PLXDC1: variants seen among roughly 807,000 people sequenced by gnomAD.
PLXDC1 encodes plexin domain-containing protein 1.
Under a neutral mutation model 61.3 loss-of-function variants are expected in PLXDC1, and 39 were observed. The observed-to-expected ratio is 0.64, with a 90% CI of 0.49 to 0.83. The LOEUF is 0.83. PLXDC1 is among the 40% of genes least tolerant of loss of function. The pLI, the probability that PLXDC1 is intolerant of heterozygous loss-of-function variation, is 0.00. For missense variants in PLXDC1, 596 were observed against 666.5 expected (o/e 0.89, Z 1.17); for synonymous variants, 212 against 254.5 (o/e 0.83, Z 1.59).
At chr17:39,094,055 T>C (rs12603914) in intron 7 of PLXDC1, among the ~76,000 whole-genome samples, 35,601 of 152,042 alleles carry the variant, frequency 0.23, 5,127 homozygotes, top group Admixed American at 0.41. Flanking sequence ...CAAGCCCGAG[T>C]GGGATCTGAC....
chr17:39,091,822 G>C (rs1734232404), intron 7 of PLXDC1, among the ~76,000 whole-genome samples: 1 of 151,972 alleles, frequency 6.6e-6, no homozygotes. Context: ...AGCCAGGCGT[G>C]GTGGTGAGCA....
intron 2 of PLXDC1, among the ~76,000 whole-genome samples, chr17:39,129,317 CA>C (rs35923960): frequency 0.39 from 42,656 of 108,992 alleles, 6,888 homozygotes; most frequent in East Asian, 0.52. Context: ...GACTCTGTCT[CA>C]AAAAAAAAAA....
At chr17:39,071,997 C>T (rs900989922) in intron 12 of PLXDC1, 2 of 174,168 alleles carry the variant, frequency 1.1e-5, no homozygotes, top group Admixed American at 1.1e-4. Context: ...CACCTTCTGG[C>T]ATCCTGCAAA....
At chr17:39,139,077 T>G (rs1911846836) in intron 2 of PLXDC1, among the ~76,000 whole-genome samples, 1 of 152,108 alleles carries the variant, frequency 6.6e-6, no homozygotes, top group Non-Finnish European at 1.5e-5. Flanking sequence ...TCCAAGAGCC[T>G]CCCGGAAACC....
intron 1 of PLXDC1, among the ~76,000 whole-genome samples, chr17:39,146,804 T>C (rs1208455700): frequency 6.7e-6 from 1 of 150,338 alleles, no homozygotes; most frequent in Non-Finnish European, 1.5e-5. Flanking sequence ...AGCAGTGAGC[T>C]ATGATCACAC....
chr17:39,128,092 T>TATATATATATATATATATAC (rs1911376941), intron 2 of PLXDC1, among the ~76,000 whole-genome samples: 1 of 72,494 alleles, frequency 1.4e-5, no homozygotes, highest in East Asian at 4.2e-4. Flanking sequence ...TCTCTCTCTC[T>TATATATATATATATATATAC]ATGTGTATAT....
At chr17:39,104,858 GC>G (rs1418431243) in intron 7 of PLXDC1, among the ~76,000 whole-genome samples, 1 of 152,180 alleles carries the variant, frequency 6.6e-6, no homozygotes, top group Non-Finnish European at 1.5e-5. Flanking sequence ...TCTCAACAGT[GC>G]CTGGAACATA....
intron 8 of PLXDC1, among the ~76,000 whole-genome samples, chr17:39,083,862 T>C (rs560948446): frequency 2.0e-5 from 3 of 152,158 alleles, no homozygotes; most frequent in Non-Finnish European, 4.4e-5. Context: ...CCTACCTTCC[T>C]TTTTTCCTTC....
intron 7 of PLXDC1, among the ~76,000 whole-genome samples, chr17:39,098,477 TAA>T (rs1192410380): frequency 2.6e-5 from 4 of 152,168 alleles, no homozygotes; most frequent in Admixed American, 2.0e-4. Context: ...ACTCATTTTC[TAA>T]AAATGTTAGT....
chr17:39,076,460 A>G (rs1909340010), intron 11 of PLXDC1, among the ~76,000 whole-genome samples: 2 of 150,436 alleles, frequency 1.3e-5, no homozygotes, highest in Non-Finnish European at 3.0e-5. Flanking sequence ...GTGGTGAGCC[A>G]TGATCACTCC....
chr17:39,126,250 G>T (rs553915304), intron 2 of PLXDC1, among the ~76,000 whole-genome samples: 6 of 151,910 alleles, frequency 3.9e-5, no homozygotes, highest in Admixed American at 3.9e-4. Context: ...GTGAAACTCC[G>T]TCTCAAACAA....
chr17:39,069,855 C>T lies in PLXDC1; in HGVS notation c.1383+1G>A. On this transcript the variant is annotated splice_donor_variant, in intron 13 of 13. Transcript: ENST00000315392. LOFTEE classifies it high-confidence loss of function. ...GCCCTGTGGCCACAGATGACACGGA[C>T]CTCGATGAAGAAGAGCGCAGCATTG... 6.2e-7 allele frequency: 1 copy of T among 1,613,210 alleles called. No individual in the cohort carries two copies. The highest frequency in any genetic ancestry group is 8.5e-7 in the Non-Finnish European group (1 of 1,179,376).
chr17:39,086,859 C>CAAAAAAAAAAAAAAAAAAAAA (rs765774886), intron 8 of PLXDC1, among the ~76,000 whole-genome samples: 1 of 71,504 alleles, frequency 1.4e-5, no homozygotes, highest in Non-Finnish European at 2.4e-5. Context: ...GAGACTGTCT[C>CAAAAAAAAAAAAAAAAAAAAA]AAAAAAAAAA....
At chr17:39,132,234 T>C (rs1022636137) in intron 2 of PLXDC1, among the ~76,000 whole-genome samples, 1 of 152,106 alleles carries the variant, frequency 6.6e-6, no homozygotes, top group African/African-American at 2.4e-5. Context: ...AAGAGAACCT[T>C]TGCCAAGACC....
intron 8 of PLXDC1, among the ~76,000 whole-genome samples, chr17:39,087,262 G>A (rs1350327900): frequency 6.6e-6 from 1 of 152,178 alleles, no homozygotes; most frequent in Non-Finnish European, 1.5e-5. Flanking sequence ...ACCTTTTCTG[G>A]GGGCTCAGTC....
At chr17:39,094,509 C>A (rs1373090153) in intron 7 of PLXDC1, among the ~76,000 whole-genome samples, 2 of 151,930 alleles carry the variant, frequency 1.3e-5, no homozygotes, top group African/African-American at 2.4e-5. Context: ...CCCGGCCCCA[C>A]TCTGAGTCTA....
intron 8 of PLXDC1, among the ~76,000 whole-genome samples, chr17:39,086,156 T>A (rs1909733472): frequency 6.6e-6 from 1 of 152,208 alleles, no homozygotes; most frequent in Non-Finnish European, 1.5e-5. Context: ...TGCTCCTAAA[T>A]GCAGTTTTAT....
At chr17:39,115,356 A>G (rs1216427382) in intron 2 of PLXDC1, among the ~76,000 whole-genome samples, 1 of 152,236 alleles carries the variant, frequency 6.6e-6, no homozygotes, top group African/African-American at 2.4e-5. Context: ...CAGGCCAGCG[A>G]GGGTGAGGCC....
At chr17:39,128,225 A>ATATTTT (rs1567769728) in intron 2 of PLXDC1, among the ~76,000 whole-genome samples, 3 of 142,414 alleles carry the variant, frequency 2.1e-5, no homozygotes, top group African/African-American at 7.7e-5. Context: ...GTGTATATAT[A>ATATTTT]TATTTTTTTG....
Sources: allele counts gnomAD v4.1 joint callset (sites outside exome capture counted in the v4.1 genomes callset), GRCh38; gene constraint gnomAD v4.1.1; transcripts MANE v1.5; gene names NCBI Gene and HGNC (gene_info 2026-07-23, HGNC 2026-07-21).